The following SHTN1 variants were observed in gnomAD, a reference collection of about 807,000 sequenced individuals.
SHTN1 encodes the protein shootin-1.
In SHTN1, 42 loss-of-function variants were observed where a neutral mutation model predicts 83.1. The ratio of observed to expected loss-of-function variants is 0.51; its 90% CI spans 0.39 to 0.65. The LOEUF (loss-of-function observed/expected upper bound fraction) is 0.65, where lower values mean the gene tolerates loss of function less well. SHTN1 is among the 30% of genes least tolerant of loss of function. SHTN1 has a pLI of 0.00. For synonymous variants in SHTN1, 224 were observed against 247.7 expected, an observed-to-expected ratio of 0.90 and a Z score of 0.90; for missense variants, 622 against 737.8, an observed-to-expected ratio of 0.84 and a Z score of 1.82.
At chr10:116,925,598 C>T (rs752866938) in intron 11 of SHTN1, among the ~76,000 whole-genome samples, 3 of 152,230 alleles carry the variant, frequency 2.0e-5, no homozygotes, top group Non-Finnish European at 4.4e-5. Flanking sequence ...GTATTTATAT[C>T]TGCCTATATC....
intron 2 of SHTN1, among the ~76,000 whole-genome samples, chr10:117,023,030 G>C (rs1852285344): frequency 6.6e-6 from 1 of 152,124 alleles, no homozygotes. Flanking sequence ...GCCAATGCCA[G>C]GTCTGCTTAA....
rs1185350960 is a variant in SHTN1 at position 116,990,794 on chromosome 10, T to C, written c.59-11486A>G. Among the ~76,000 whole-genome samples, 7 of 152,308 alleles carry C rather than the reference T, an allele frequency of 4.6e-5. No individual in the cohort carries two copies. The East Asian group carries it at 1.4e-3, about 29-fold the overall frequency. On this transcript the variant is annotated intron_variant, in intron 1 of 16. Coordinates refer to ENST00000355371, the MANE Select transcript of SHTN1 (RefSeq NM_001127211.3). ...CATCTCTTGGTGGCACACAGGTTATTGGGCCTTTCTTCCTTCTGTCTTTTG... is the reference window on the plus strand; with the variant it reads ...CATCTCTTGGTGGCACACAGGTTATCGGGCCTTTCTTCCTTCTGTCTTTTG...
intron 1 of SHTN1, among the ~76,000 whole-genome samples, chr10:117,059,978 A>G (rs773954840): frequency 1.3e-5 from 2 of 152,196 alleles, no homozygotes; most frequent in Non-Finnish European, 2.9e-5. Context: ...TGGGAGGCCA[A>G]CGTGGGAGGA....
intron 1 of SHTN1, among the ~76,000 whole-genome samples, chr10:117,049,144 A>G (rs1852707582): frequency 6.6e-6 from 1 of 152,172 alleles, no homozygotes; most frequent in Non-Finnish European, 1.5e-5. Flanking sequence ...AGAGTGATCA[A>G]TGGAAAGGGA....
At chr10:116,956,788 T>G (rs918927140) in intron 4 of SHTN1, among the ~76,000 whole-genome samples, 1 of 152,132 alleles carries the variant, frequency 6.6e-6, no homozygotes, top group Non-Finnish European at 1.5e-5. Flanking sequence ...TGCAATACAA[T>G]TACTCTACTT....
At chr10:117,027,630 C>G (rs1158811064) in intron 2 of SHTN1, among the ~76,000 whole-genome samples, 1 of 152,054 alleles carries the variant, frequency 6.6e-6, no homozygotes, top group African/African-American at 2.4e-5. Flanking sequence ...TCCCAAGTAG[C>G]TGGGACTACA....
intron 1 of SHTN1, 123 bp downstream of exon 1, chr10:117,004,899 G>A (rs1851956975): frequency 2.6e-6 from 2 of 780,090 alleles, no homozygotes; most frequent in Admixed American, 6.3e-5. Flanking sequence ...CGGAGCTACT[G>A]CGGTGACCAC....
intron 11 of SHTN1, among the ~76,000 whole-genome samples, chr10:116,924,160 T>C (rs1216075106): frequency 6.6e-6 from 1 of 152,216 alleles, no homozygotes; most frequent in African/African-American, 2.4e-5. Flanking sequence ...CATTTTATTC[T>C]AGAAGTTATA....
intron 2 of SHTN1, among the ~76,000 whole-genome samples, chr10:117,036,657 T>C (rs1164588201): frequency 6.6e-6 from 1 of 151,998 alleles, no homozygotes; most frequent in East Asian, 1.9e-4. Context: ...TGGGGGGAAA[T>C]AAGGATAGTT....
chr10:116,912,749 A>G (rs150436426), intron 13 of SHTN1, among the ~76,000 whole-genome samples: 1 of 152,108 alleles, frequency 6.6e-6, no homozygotes, highest in African/African-American at 2.4e-5. Context: ...TGAAGGGGAA[A>G]CTTGCAAGAC....
At chr10:116,991,763 A>G (rs557917972) in intron 1 of SHTN1, among the ~76,000 whole-genome samples, 1 of 152,334 alleles carries the variant, frequency 6.6e-6, no homozygotes, top group South Asian at 2.1e-4. Flanking sequence ...ACAAATATCC[A>G]AACTTCCAAA....
chr10:117,097,683 C>T (rs1238942895), intron 1 of SHTN1, among the ~76,000 whole-genome samples: 1 of 152,132 alleles, frequency 6.6e-6, no homozygotes, highest in African/African-American at 2.4e-5. Context: ...CAACCATGAC[C>T]CAGTTTACAC....
intron 9 of SHTN1, 73 bp from the exon 10 acceptor site, chr10:116,930,075 A>T: frequency 4.9e-6 from 5 of 1,022,452 alleles, no homozygotes; most frequent in Non-Finnish European, 7.1e-6. Context: ...GAAAGGGAAA[A>T]AATAAATATT....
At position 116,954,085 on chromosome 10, in the gene SHTN1, G is replaced by A. The variant is rs117277365; in HGVS notation, c.393C>T (p.Ala131=). Residue 131 remains alanine, a synonymous_variant, in exon 5 of 17, where the codon GCC becomes GCT. Transcript: ENST00000355371. ...DEDSTTDTDG[A]AETCVSVQCQ... ...ACTGTACTGAGACACAAGTCTCGGC[G>A]GCACCGTCTGTGTCTGTAGTCGAAT... is the stretch of plus-strand genomic sequence containing the variant. The A allele has an allele frequency of 1.1e-3, 1,773 of 1,613,338 alleles. 1 individual carries two copies. Among genetic ancestry groups the A allele is most frequent in the Non-Finnish European group, 1.4e-3 (1,631 of 1,179,772 alleles).
At position 116,884,299 on chromosome 10, in the gene SHTN1, A is replaced by C. The variant is rs1332372917; in HGVS notation, c.*2045T>G. The C allele has an allele frequency of 8.8e-6, 4 of 456,588 alleles. No individual in the cohort carries two copies. The highest frequency in any genetic ancestry group is 2.3e-5 in the Admixed American group (1 of 42,680). The allele number at this position is 456,588 out of a possible 1,614,324, so 28.3% of individuals were successfully genotyped here. A position where few individuals can be genotyped will look rare whatever the true frequency, so the allele number is the denominator to read the frequency against. Reference sequence around the variant, plus strand: ...AGGGGCAAAACCCCCTCAAAACCAAAGTGAAAAGGGAAAAACTGTAGGCAG... The same window carrying C: ...AGGGGCAAAACCCCCTCAAAACCAACGTGAAAAGGGAAAAACTGTAGGCAG... On this transcript the variant is annotated 3_prime_UTR_variant, in exon 17 of 17. Transcript: ENST00000355371.
intron 1 of SHTN1, among the ~76,000 whole-genome samples, chr10:117,064,475 G>A (rs910782359): frequency 4.6e-5 from 7 of 152,094 alleles, no homozygotes; most frequent in African/African-American, 1.7e-4. Flanking sequence ...CCAACATAGT[G>A]AAACTCCGTC....
At chr10:116,982,660 T>C (rs1018579217) in intron 1 of SHTN1, among the ~76,000 whole-genome samples, 2 of 152,136 alleles carry the variant, frequency 1.3e-5, no homozygotes, top group African/African-American at 4.8e-5. Flanking sequence ...TTGCCAATGC[T>C]AAAGAGATTA....
At chr10:116,951,220 C>G (rs1209050785) in intron 6 of SHTN1, among the ~76,000 whole-genome samples, 1 of 152,120 alleles carries the variant, frequency 6.6e-6, no homozygotes, top group East Asian at 1.9e-4. Context: ...TCCAGGAGTT[C>G]AAGGTAAGCC....
intron 1 of SHTN1, among the ~76,000 whole-genome samples, chr10:117,093,008 TTA>T (rs1415607910): frequency 2.6e-5 from 4 of 152,202 alleles, no homozygotes; most frequent in Non-Finnish European, 2.9e-5. Context: ...CAGCCAATAC[TTA>T]TAGAGTCCTA....
Sources: allele counts gnomAD v4.1 joint callset (sites outside exome capture counted in the v4.1 genomes callset), GRCh38; gene constraint gnomAD v4.1.1; transcripts MANE v1.5; gene names NCBI Gene and HGNC (gene_info 2026-07-23, HGNC 2026-07-21).